APBA2: variants seen among roughly 807,000 people sequenced by gnomAD.
APBA2 encodes the protein amyloid-beta A4 precursor protein-binding family A member 2.
In APBA2, 30 loss-of-function variants were observed where a neutral mutation model predicts 75.0. That is an observed-to-expected ratio of 0.40 (90% CI 0.30 to 0.54). The LOEUF is 0.54. APBA2 is among the 20% of genes least tolerant of loss of function. The probability of loss-of-function intolerance (pLI) is 0.49; values close to 1 mark genes in which losing one functional copy is unlikely to be tolerated. For synonymous variants in APBA2, 444 were observed against 409.6 expected (o/e 1.08, Z -1.01); for missense variants, 801 against 1,016.1 (o/e 0.79, Z 2.88).
chr15:28,911,072 T>G (rs1237341965), intron 1 of APBA2, among the ~76,000 whole-genome samples: 2 of 152,310 alleles, frequency 1.3e-5, no homozygotes, highest in Non-Finnish European at 2.9e-5. Flanking sequence ...TAATGGATTT[T>G]GTTAGAAAAA....
At chr15:29,055,580 C>T (rs1418292847) in intron 4 of APBA2, among the ~76,000 whole-genome samples, 1 of 151,834 alleles carries the variant, frequency 6.6e-6, no homozygotes, top group East Asian at 1.9e-4. Flanking sequence ...GAAGGAACTT[C>T]TATTTGGCCA....
At chr15:29,025,487 TCGA>T in intron 3 of APBA2, among the ~76,000 whole-genome samples, 1 of 74,214 alleles carries the variant, frequency 1.3e-5, no homozygotes, top group South Asian at 5.0e-4. Flanking sequence ...CAGGATGGTC[TCGA>T]TTCGATCTCT....
chr15:29,032,840 C>G (rs1391509543), intron 3 of APBA2, among the ~76,000 whole-genome samples: 1 of 152,196 alleles, frequency 6.6e-6, no homozygotes, highest in Admixed American at 6.5e-5. Flanking sequence ...ATCCCGGATC[C>G]TTTCTTTGTG....
At chr15:29,052,135 A>G (rs1296687593) in intron 3 of APBA2, among the ~76,000 whole-genome samples, 1 of 152,108 alleles carries the variant, frequency 6.6e-6, no homozygotes, top group Non-Finnish European at 1.5e-5. Context: ...AGAATATGAC[A>G]AACATTTGGG....
chr15:28,904,715 G>A (rs1056055767), intron 1 of APBA2, among the ~76,000 whole-genome samples: 10 of 152,134 alleles, frequency 6.6e-5, no homozygotes, highest in Non-Finnish European at 2.9e-5. Flanking sequence ...AGCAAACAGC[G>A]TTGCAGCACC....
At chr15:28,934,389 C>A (rs1387386803) in intron 2 of APBA2, among the ~76,000 whole-genome samples, 2 of 152,130 alleles carry the variant, frequency 1.3e-5, no homozygotes, top group East Asian at 3.9e-4. Flanking sequence ...TCCAGCTGTC[C>A]TTGTGTGGTC....
At chr15:28,973,241 A>G (rs142837869) in intron 2 of APBA2, among the ~76,000 whole-genome samples, 31 of 152,364 alleles carry the variant, frequency 2.0e-4, no homozygotes, top group African/African-American at 7.0e-4. Flanking sequence ...CAATTCTGTC[A>G]TTCTATGTGA....
intron 1 of APBA2, among the ~76,000 whole-genome samples, chr15:28,898,582 A>AG (rs2032653489): frequency 6.6e-6 from 1 of 152,206 alleles, no homozygotes. Context: ...TAGGAGGCCC[A>AG]GGGGGAGGGA....
intron 2 of APBA2, among the ~76,000 whole-genome samples, chr15:28,927,439 T>C (rs1420481370): frequency 6.6e-6 from 1 of 152,058 alleles, no homozygotes; most frequent in Non-Finnish European, 1.5e-5. Flanking sequence ...TTTGAAAATA[T>C]TTTGGCCATC....
chr15:29,047,709 T>C (rs915230423), intron 3 of APBA2, among the ~76,000 whole-genome samples: 2 of 152,124 alleles, frequency 1.3e-5, no homozygotes, highest in Non-Finnish European at 2.9e-5. Flanking sequence ...GATGACCACA[T>C]GCCGGAAAGG....
intron 2 of APBA2, among the ~76,000 whole-genome samples, chr15:28,969,764 A>G (rs1251369338): frequency 1.3e-5 from 2 of 151,186 alleles, no homozygotes; most frequent in African/African-American, 4.9e-5. Flanking sequence ...CCAAAAGCTG[A>G]CAAAATTCTG....
chr15:28,965,358 C>G (rs2036685941), intron 2 of APBA2, among the ~76,000 whole-genome samples: 1 of 152,160 alleles, frequency 6.6e-6, no homozygotes, highest in African/African-American at 2.4e-5. Context: ...GCCTATATCA[C>G]ACTGTCTTGA....
At chr15:29,100,382 G>T (rs1309035578) in intron 9 of APBA2, among the ~76,000 whole-genome samples, 2 of 152,254 alleles carry the variant, frequency 1.3e-5, no homozygotes, top group Non-Finnish European at 2.9e-5. Context: ...CTGCAAAGTG[G>T]ATTCTGTGAG....
chr15:28,920,916 C>T (rs1467520771), intron 1 of APBA2, among the ~76,000 whole-genome samples: 1 of 152,154 alleles, frequency 6.6e-6, no homozygotes, highest in Non-Finnish European at 1.5e-5. Flanking sequence ...ATCTCTGCAG[C>T]TCAGTTCTGT....
intron 1 of APBA2, among the ~76,000 whole-genome samples, chr15:28,914,137 A>T (rs1023111769): frequency 4.6e-5 from 7 of 152,136 alleles, no homozygotes; most frequent in African/African-American, 1.7e-4. Context: ...TTCCTAATGG[A>T]AGGGTCAGAA....
rs919096340 is a variant in APBA2 at position 28,991,660 on chromosome 15, C to G, written c.-94-4093C>G. On this transcript the variant is annotated intron_variant, in intron 2 of 14. Transcript: ENST00000683413. This position sits in a 1 kb window ranked among gnomAD's most constrained non-coding sequence, Gnocchi z 4.7. ...CCATTAGGCTGGTACCAGGAGGAGC[C>G]AGGTCGAGCTGGCACTGGGGCGACG... 1.3e-5 allele frequency among the ~76,000 whole-genome samples: 2 copies of G among 152,166 alleles called. No homozygotes were observed. The highest frequency in any genetic ancestry group is 4.8e-5 in the African/African-American group (2 of 41,438).
At chr15:28,984,748 A>ATC (rs61353149) in intron 2 of APBA2, among the ~76,000 whole-genome samples, 17,853 of 129,622 alleles carry the variant, frequency 0.14, 3,233 homozygotes, top group African/African-American at 0.44. Context: ...CTGTCTCTCT[A>ATC]TCTCTCTCCC....
At chr15:29,061,411 T>C (rs2042124906) in intron 4 of APBA2, among the ~76,000 whole-genome samples, 1 of 152,186 alleles carries the variant, frequency 6.6e-6, no homozygotes, top group African/African-American at 2.4e-5. Context: ...GTAGAATAGC[T>C]CCACACCTTG....
rs116312223 is a variant in APBA2 at position 28,934,453 on chromosome 15, T to A, written c.-95+12704T>A. Among the ~76,000 whole-genome samples the A allele has an allele frequency of 6.8e-3, 1,032 of 152,174 alleles. 10 individuals carry two copies. Among genetic ancestry groups the A allele is most frequent in the African/African-American group, 0.023 (942 of 41,488 alleles). On this transcript the variant is annotated intron_variant, in intron 2 of 14. Transcript: ENST00000683413. ...CTCAACGCTGGTCTTTCTGAGATAA[T>A]GAAAAGGGAAAACTTTAGAGGCAGG...
Sources: allele counts gnomAD v4.1 joint callset (sites outside exome capture counted in the v4.1 genomes callset), GRCh38; gene constraint gnomAD v4.1.1; non-coding constraint Gnocchi (gnomAD v3.1); transcripts MANE v1.5; gene names NCBI Gene and HGNC (gene_info 2026-07-23, HGNC 2026-07-21).